Variants in MMP16 observed in about 807,000 individuals in gnomAD.
MMP16 encodes matrix metalloproteinase-16.
A neutral mutation model predicts 67.8 loss-of-function variants in MMP16; 12 were observed. The observed-to-expected ratio is 0.18, with a 90% confidence interval of 0.11 to 0.29. MMP16 has a LOEUF of 0.29. MMP16 is among the 10% of genes least tolerant of loss of function. The probability of loss-of-function intolerance (pLI) is 1.00; values close to 1 mark genes in which losing one functional copy is unlikely to be tolerated. For synonymous variants in MMP16, 249 were observed against 255.9 expected (o/e 0.97, Z 0.26); for missense variants, 475 against 765.7 (o/e 0.62, Z 4.48).
chr8:88,159,821 T>A lies in MMP16; in HGVS notation c.709+7848A>T, dbSNP rs200294979. On this transcript the variant is annotated intron_variant, in intron 4 of 9. Transcript: ENST00000286614. ...GATACGTCCCATCAATACCTAATTT[T>A]TTGAGAGTTTTTAGCATGAAGGGCT... Among the ~76,000 whole-genome samples, 6 of 152,086 alleles carry A rather than the reference T, an allele frequency of 3.9e-5. No individual in the cohort carries two copies. The South Asian group carries it at 8.3e-4, about 21-fold the overall frequency.
intron 1 of MMP16, among the ~76,000 whole-genome samples, chr8:88,293,460 T>G (rs1463884303): frequency 6.6e-6 from 1 of 152,066 alleles, no homozygotes; most frequent in Non-Finnish European, 1.5e-5. Context: ...AAAATCCAAT[T>G]TAGTTAGTAT....
chr8:88,291,767 A>G (rs1028131471), intron 1 of MMP16, among the ~76,000 whole-genome samples: 22 of 152,254 alleles, frequency 1.4e-4, no homozygotes, highest in Non-Finnish European at 8.8e-5. Context: ...GTTAATATTT[A>G]GGGTAAATCG....
chr8:88,293,048 T>C (rs1810951585), intron 1 of MMP16, among the ~76,000 whole-genome samples: 1 of 152,130 alleles, frequency 6.6e-6, no homozygotes, highest in Non-Finnish European at 1.5e-5. Flanking sequence ...CAACAGGCAA[T>C]GAACACAGAT....
intron 1 of MMP16, among the ~76,000 whole-genome samples, chr8:88,254,026 C>A (rs548169041): frequency 8.5e-5 from 13 of 152,192 alleles, no homozygotes; most frequent in Admixed American, 5.9e-4. Context: ...TTCATTGTAG[C>A]CCTATTCACA....
chr8:88,307,576 A>G (rs1446473918), intron 1 of MMP16, among the ~76,000 whole-genome samples: 1 of 152,086 alleles, frequency 6.6e-6, no homozygotes, highest in African/African-American at 2.4e-5. Context: ...TATCCTAAAG[A>G]AAGTAACTAG....
intron 1 of MMP16, among the ~76,000 whole-genome samples, chr8:88,241,026 G>A (rs1810024983): frequency 6.7e-6 from 1 of 149,910 alleles, no homozygotes; most frequent in Admixed American, 6.6e-5. Context: ...TGTTGAACTC[G>A]TGAATCTTGA....
At chr8:88,121,073 T>A (rs1807821874) in intron 4 of MMP16, among the ~76,000 whole-genome samples, 1 of 138,642 alleles carries the variant, frequency 7.2e-6, no homozygotes, top group Non-Finnish European at 1.5e-5. Context: ...TGCTCTCAGT[T>A]TTTTTTTTTT....
chr8:88,157,440 A>G (rs749010760), intron 4 of MMP16, among the ~76,000 whole-genome samples: 5 of 151,844 alleles, frequency 3.3e-5, no homozygotes, highest in Non-Finnish European at 5.9e-5. Flanking sequence ...CCGTTCCCCA[A>G]AGATACCAGG....
intron 1 of MMP16, among the ~76,000 whole-genome samples, chr8:88,243,756 C>T (rs924034301): frequency 1.3e-5 from 2 of 152,088 alleles, no homozygotes; most frequent in African/African-American, 4.8e-5. Context: ...GTTTGTGCTG[C>T]GTGTTAACAT....
intron 3 of MMP16, among the ~76,000 whole-genome samples, chr8:88,172,873 C>A (rs1021988717): frequency 6.6e-6 from 1 of 151,442 alleles, no homozygotes; most frequent in African/African-American, 2.4e-5. Context: ...CATAACAAAA[C>A]CAATGTCTTT....
chr8:88,125,813 T>C (rs1438365498), intron 4 of MMP16, among the ~76,000 whole-genome samples: 3 of 151,950 alleles, frequency 2.0e-5, no homozygotes, highest in Non-Finnish European at 4.4e-5. Context: ...TTATTTATTT[T>C]TGTGTGATTT....
At chr8:88,075,938 TACACACACACAC>T (rs71556442) in intron 6 of MMP16, among the ~76,000 whole-genome samples, 7 of 140,408 alleles carry the variant, frequency 5.0e-5, no homozygotes, top group African/African-American at 1.1e-4. Context: ...CATATATTCA[TACACACACACAC>T]ACACACACAC....
At chr8:88,193,868 T>C (rs1276398541) in intron 2 of MMP16, among the ~76,000 whole-genome samples, 1 of 151,998 alleles carries the variant, frequency 6.6e-6, no homozygotes, top group Non-Finnish European at 1.5e-5. Context: ...ATTTTCTTTA[T>C]TGCCTTGCTA....
At chr8:88,097,118 G>T (rs1356302436) in intron 6 of MMP16, among the ~76,000 whole-genome samples, 1 of 151,816 alleles carries the variant, frequency 6.6e-6, no homozygotes. Flanking sequence ...CCCTTTTATT[G>T]ATCTCTATTG....
At chr8:88,144,236 T>C (rs946572437) in intron 4 of MMP16, among the ~76,000 whole-genome samples, 3 of 152,010 alleles carry the variant, frequency 2.0e-5, no homozygotes, top group Non-Finnish European at 4.4e-5. Flanking sequence ...AGCTAAATGA[T>C]GCCGTTTTCT....
chr8:88,141,745 T>C (rs1808214357), intron 4 of MMP16, among the ~76,000 whole-genome samples: 1 of 152,184 alleles, frequency 6.6e-6, no homozygotes, highest in Non-Finnish European at 1.5e-5. Flanking sequence ...TCAAATGGAC[T>C]GTCCCTCTTA....
chr8:88,152,963 A>G (rs1282928162), intron 4 of MMP16, among the ~76,000 whole-genome samples: 1 of 69,356 alleles, frequency 1.4e-5, no homozygotes, highest in African/African-American at 5.5e-5. Context: ...TATCTAGAAA[A>G]CCCCATCGTC....
intron 1 of MMP16, among the ~76,000 whole-genome samples, chr8:88,317,177 T>C (rs1288423179): frequency 2.0e-5 from 3 of 152,158 alleles, no homozygotes; most frequent in Admixed American, 6.5e-5. Context: ...TTGACTCTAA[T>C]TTTGAAAAAA....
intron 4 of MMP16, among the ~76,000 whole-genome samples, chr8:88,163,421 C>G (rs1376901005): frequency 6.6e-6 from 1 of 151,998 alleles, no homozygotes; most frequent in Non-Finnish European, 1.5e-5. Context: ...CGTTGATAAC[C>G]TTCCTGGTTA....
Sources: gnomAD v4.1 joint callset for allele counts (sites outside exome capture counted in the v4.1 genomes callset) on GRCh38, gnomAD v4.1.1 for gene constraint, MANE v1.5 for transcripts, NCBI Gene and HGNC (gene_info 2026-07-23, HGNC 2026-07-21) for gene names.